Variants in LINGO2 observed in about 807,000 individuals in gnomAD.
LINGO2 encodes leucine rich repeat and Ig domain containing 2.
In LINGO2, 14 loss-of-function variants were observed where a neutral mutation model predicts 30.6. The ratio of observed to expected loss-of-function variants is 0.46; its 90% CI spans 0.30 to 0.72. LINGO2 has a LOEUF of 0.72. Among genes scored for constraint, LINGO2 ranks in the 30% least tolerant of loss-of-function variants. The pLI, the probability that LINGO2 is intolerant of heterozygous loss-of-function variation, is 0.07. For synonymous variants in LINGO2, 317 were observed against 288.5 expected, an observed-to-expected ratio of 1.10 and a Z score of -1.00; for missense variants, 729 against 751.7, an observed-to-expected ratio of 0.97 and a Z score of 0.35.
intron 4 of LINGO2, among the ~76,000 whole-genome samples, chr9:28,219,291 G>T (rs1820877413): frequency 6.6e-6 from 1 of 152,128 alleles, no homozygotes; most frequent in African/African-American, 2.4e-5. Flanking sequence ...AAAAACTAAC[G>T]AGTGGCTTTC....
intron 4 of LINGO2, among the ~76,000 whole-genome samples, chr9:28,036,897 A>G (rs906698901): frequency 2.0e-5 from 3 of 152,246 alleles, no homozygotes; most frequent in Non-Finnish European, 4.4e-5. Flanking sequence ...AAAGGTCTGA[A>G]AGTAAAATTG....
chr9:29,023,346 G>A, the LINGO2 span, among the ~76,000 whole-genome samples: 19 of 152,124 alleles, frequency 1.2e-4, no homozygotes, highest in African/African-American at 4.6e-4. Flanking sequence ...AAAAATATCT[G>A]TTAATTTAAG....
intron 2 of LINGO2, among the ~76,000 whole-genome samples, chr9:28,390,928 A>T (rs1293802273): frequency 6.6e-6 from 1 of 152,170 alleles, no homozygotes; most frequent in African/African-American, 2.4e-5. Context: ...TTAGTGAAAA[A>T]AAAAGTCTGA....
At chr9:29,173,776 T>C in the LINGO2 span, among the ~76,000 whole-genome samples, 1 of 152,118 alleles carries the variant, frequency 6.6e-6, no homozygotes, top group Non-Finnish European at 1.5e-5. Context: ...GGCCTATACA[T>C]ATTTGTGAAA....
At chr9:28,835,989 T>C in the LINGO2 span, among the ~76,000 whole-genome samples, 1 of 152,204 alleles carries the variant, frequency 6.6e-6, no homozygotes, top group East Asian at 1.9e-4. Flanking sequence ...AACCTGGATA[T>C]ATCACATACT....
chr9:28,970,061 T>A, the LINGO2 span, among the ~76,000 whole-genome samples: 69 of 151,704 alleles, frequency 4.5e-4, 4 homozygotes, highest in Non-Finnish European at 4.4e-5. Flanking sequence ...ACAGTGTACG[T>A]GGGAAAAGAA....
intron 1 of LINGO2, among the ~76,000 whole-genome samples, chr9:28,565,721 T>C (rs1823345656): frequency 6.6e-6 from 1 of 151,162 alleles, no homozygotes; most frequent in Non-Finnish European, 1.5e-5. Flanking sequence ...CCACCTAATT[T>C]TTTTTGTATT....
chr9:28,401,596 A>ATG (rs1164383956), intron 2 of LINGO2, among the ~76,000 whole-genome samples: 1 of 152,110 alleles, frequency 6.6e-6, no homozygotes, highest in Non-Finnish European at 1.5e-5. Flanking sequence ...CAGTAAATAT[A>ATG]TGTGTGTATG....
intron 4 of LINGO2, among the ~76,000 whole-genome samples, chr9:28,101,737 C>T (rs1826422313): frequency 1.3e-5 from 2 of 152,146 alleles, no homozygotes; most frequent in African/African-American, 4.8e-5. Flanking sequence ...GGCTAAATCT[C>T]TCAGCAATAG....
At chr9:29,188,725 G>T in the LINGO2 span, among the ~76,000 whole-genome samples, 5 of 121,806 alleles carry the variant, frequency 4.1e-5, no homozygotes, top group African/African-American at 1.4e-4. Flanking sequence ...CCTCCCTCTC[G>T]GATGGGGCGG....
chr9:28,899,768 T>C, the LINGO2 span, among the ~76,000 whole-genome samples: 1 of 152,094 alleles, frequency 6.6e-6, no homozygotes, highest in Admixed American at 6.5e-5. Flanking sequence ...GCTGAAGATA[T>C]CATGCCATAT....
the LINGO2 span, among the ~76,000 whole-genome samples, chr9:28,942,898 T>C: frequency 1.3e-5 from 2 of 152,174 alleles, no homozygotes; most frequent in East Asian, 3.9e-4. Flanking sequence ...TAAAATGTGA[T>C]CATTACATTT....
chr9:28,893,805 G>A, the LINGO2 span, among the ~76,000 whole-genome samples: 2 of 151,516 alleles, frequency 1.3e-5, no homozygotes, highest in African/African-American at 4.9e-5. Flanking sequence ...CAATGTGCAG[G>A]TTAGTTAAAT....
chr9:28,684,170 T>G, the LINGO2 span, among the ~76,000 whole-genome samples: 3 of 139,882 alleles, frequency 2.1e-5, no homozygotes, highest in East Asian at 6.3e-4. Context: ...TTTTAAAATG[T>G]TTATCTTTTT....
chr9:28,083,511 T>A (rs1465108302), intron 4 of LINGO2, among the ~76,000 whole-genome samples: 1 of 152,212 alleles, frequency 6.6e-6, no homozygotes. Flanking sequence ...CAGCACATTT[T>A]ACAGTTTCCT....
the LINGO2 span, among the ~76,000 whole-genome samples, chr9:28,698,604 C>T: frequency 6.6e-6 from 1 of 151,886 alleles, no homozygotes; most frequent in Non-Finnish European, 1.5e-5. Flanking sequence ...CTACAACATG[C>T]TATATTGTGT....
intron 3 of LINGO2, among the ~76,000 whole-genome samples, chr9:28,326,358 A>G (rs1022414602): frequency 1.3e-5 from 2 of 152,130 alleles, no homozygotes; most frequent in Non-Finnish European, 2.9e-5. Context: ...GTGCGTGCCA[A>G]TGTCGGTTTT....
At chr9:28,497,790 T>C (rs556360496) in intron 1 of LINGO2, among the ~76,000 whole-genome samples, 1 of 152,290 alleles carries the variant, frequency 6.6e-6, no homozygotes, top group African/African-American at 2.4e-5. Flanking sequence ...CTTTGTGGTT[T>C]TGTCTACCAT....
In LINGO2 at chr9:28,548,136, A is replaced by T. The variant is rs1008319307; in HGVS notation, c.-364-72111T>A. 3.3e-5 allele frequency among the ~76,000 whole-genome samples: 5 copies of T among 152,112 alleles called. No homozygotes were observed. The East Asian group carries it at 9.6e-4, about 29-fold the overall frequency. On this transcript the variant is annotated intron_variant, in intron 1 of 5. Transcript: ENST00000379992. Reference sequence around the variant, plus strand: ...AACTTTCCTTTAAGGAACCGTAATAAGCCTGCCAGAGTTTCAAGAAGTTCA... The same window carrying T: ...AACTTTCCTTTAAGGAACCGTAATATGCCTGCCAGAGTTTCAAGAAGTTCA...
Sources: allele counts gnomAD v4.1 joint callset (sites outside exome capture counted in the v4.1 genomes callset), GRCh38; gene constraint gnomAD v4.1.1; transcripts MANE v1.5; gene names NCBI Gene and HGNC (gene_info 2026-07-23, HGNC 2026-07-21).